Variants in CFAP68 observed in about 807,000 individuals in gnomAD.
CFAP68 encodes the protein cilia- and flagella-associated protein 68.
the CFAP68 span, among the ~76,000 whole-genome samples, chr11:111,883,537 G>A: frequency 2.0e-5 from 3 of 151,686 alleles, no homozygotes; most frequent in Non-Finnish European, 4.4e-5. Context: ...AGGTTTCAGT[G>A]AGCAGAAATC....
At chr11:111,880,001 G>A in the CFAP68 span, among the ~76,000 whole-genome samples, 2 of 152,188 alleles carry the variant, frequency 1.3e-5, no homozygotes, top group African/African-American at 4.8e-5. Flanking sequence ...ATTGGAGGGA[G>A]AGTAACAGAT....
At chr11:111,881,725 G>A in the CFAP68 span, 1 of 1,253,032 alleles carries the variant, frequency 8.0e-7, no homozygotes, top group Non-Finnish European at 1.1e-6. Flanking sequence ...TCTGGTATAT[G>A]CAATCCAGAT....
At chr11:111,881,291 A>G in the CFAP68 span, 22 of 1,424,406 alleles carry the variant, frequency 1.5e-5, no homozygotes, top group African/African-American at 7.2e-5. Context: ...TCTGGTCATC[A>G]TGTTGTTTGG....
the CFAP68 span, chr11:111,884,543 C>G: frequency 1.3e-5 from 2 of 151,212 alleles, no homozygotes; most frequent in Non-Finnish European, 1.5e-5. Context: ...TTCCTTCTGT[C>G]GTAGCAAGAC....
chr11:111,881,366 C>G, the CFAP68 span: 1 of 1,485,510 alleles, frequency 6.7e-7, no homozygotes. Context: ...CCTGGGATGT[C>G]ATCCTTCAAT....
At chr11:111,883,035 TA>T in the CFAP68 span, 1 of 903,572 alleles carries the variant, frequency 1.1e-6, no homozygotes, top group Non-Finnish European at 1.8e-6. Flanking sequence ...TCAGTCCATC[TA>T]AAATATGACA....
chr11:111,883,715 T>C, the CFAP68 span: 2 of 1,204,908 alleles, frequency 1.7e-6, no homozygotes, highest in East Asian at 2.3e-5. Context: ...TTACTAAAAC[T>C]CCTTAGTGTT....
the CFAP68 span, chr11:111,885,160 A>G: frequency 6.6e-6 from 1 of 150,966 alleles, no homozygotes; most frequent in Non-Finnish European, 1.5e-5. Context: ...TCAAAAAAAA[A>G]AAAGAAAAGA....
At chr11:111,884,531 C>CCTT in the CFAP68 span, 2 of 151,420 alleles carry the variant, frequency 1.3e-5, no homozygotes, top group African/African-American at 4.9e-5. Context: ...TGTGGTCTTC[C>CCTT]CTTCCTTCTG....
chr11:111,881,390 C>T, the CFAP68 span: 2 of 1,517,306 alleles, frequency 1.3e-6, no homozygotes, highest in Non-Finnish European at 1.8e-6. Flanking sequence ...GCATTATTGG[C>T]TTTGTTTCTG....
chr11:111,880,979 G>A, the CFAP68 span: 1 of 333,018 alleles, frequency 3.0e-6, no homozygotes, highest in South Asian at 2.3e-5. Context: ...GGTTTGGAGA[G>A]GAACAAGGCT....
At chr11:111,884,212 G>A in the CFAP68 span, 3 of 193,972 alleles carry the variant, frequency 1.5e-5, no homozygotes, top group South Asian at 9.2e-5. Context: ...GGTGGCTCAT[G>A]CCTGTAATCC....
At chr11:111,881,320 C>T in the CFAP68 span, 12 of 1,446,338 alleles carry the variant, frequency 8.3e-6, no homozygotes, top group East Asian at 2.7e-4. Flanking sequence ...GTGCATGCAT[C>T]TGTCTTCACA....
the CFAP68 span, chr11:111,879,709 G>A: frequency 7.8e-7 from 1 of 1,274,258 alleles, no homozygotes; most frequent in Non-Finnish European, 1.1e-6. Context: ...TGAACAAAAT[G>A]TGGCCTATGA....
the CFAP68 span, among the ~76,000 whole-genome samples, chr11:111,879,958 A>C: frequency 6.6e-6 from 1 of 152,210 alleles, no homozygotes. Flanking sequence ...AGCTTGATGG[A>C]GAAACAGAAT....
the CFAP68 span, chr11:111,883,111 T>C: frequency 5.9e-6 from 9 of 1,513,096 alleles, no homozygotes; most frequent in East Asian, 2.1e-4. Context: ...TTCCAGATTC[T>C]TAATCTGTTA....
chr11:111,882,415 T>TGTTAATGCA, the CFAP68 span: 2 of 1,614,080 alleles, frequency 1.2e-6, no homozygotes, highest in African/African-American at 2.7e-5. Flanking sequence ...GTGGCAGCCT[T>TGTTAATGCA]GTTAATGCAG....
chr11:111,880,648 A>C, the CFAP68 span: 1 of 387,212 alleles, frequency 2.6e-6, no homozygotes, highest in Non-Finnish European at 5.2e-6. Context: ...TATATAATCA[A>C]CAACCATAAA....
At chr11:111,881,401 CCTGTGGAAAGG>C in the CFAP68 span, 2 of 1,525,700 alleles carry the variant, frequency 1.3e-6, no homozygotes, top group African/African-American at 2.8e-5. Flanking sequence ...TTTGTTTCTG[CCTGTGGAAAGG>C]CAAGTGGGTG....
Sources: gnomAD v4.1 joint callset for allele counts (sites outside exome capture counted in the v4.1 genomes callset) on GRCh38, gnomAD v4.1.1 for gene constraint, MANE v1.5 for transcripts, NCBI Gene and HGNC (gene_info 2026-07-23, HGNC 2026-07-21) for gene names.